DPP6: variants seen among roughly 807,000 people sequenced by gnomAD.
DPP6 encodes dipeptidyl peptidase like 6.
A neutral mutation model predicts 122.6 loss-of-function variants in DPP6; 69 were observed. The ratio of observed to expected loss-of-function variants is 0.56; its 90% CI spans 0.46 to 0.69. DPP6 has a LOEUF of 0.69. DPP6 is among the 30% of genes least tolerant of loss of function. The pLI is 0.00. For missense variants in DPP6, 928 were observed against 1,116.9 expected (o/e 0.83, Z 2.41); for synonymous variants, 418 against 433.1 (o/e 0.97, Z 0.43).
At chr7:154,620,442 G>A (rs191588072) in intron 5 of DPP6, among the ~76,000 whole-genome samples, 7 of 152,320 alleles carry the variant, frequency 4.6e-5, no homozygotes, top group African/African-American at 1.4e-4. Flanking sequence ...TTTCTCAAAT[G>A]TTTTTGGAAC....
At chr7:154,859,415 A>C (rs183515472) in intron 17 of DPP6, among the ~76,000 whole-genome samples, 52 of 152,324 alleles carry the variant, frequency 3.4e-4, no homozygotes, top group African/African-American at 1.1e-3. Context: ...TACAGGGCAG[A>C]GCCTCGGCAC....
rs2533612 is a variant in DPP6 at position 153,990,404 on chromosome 7, G to C, written c.51+102670G>C. On this transcript the variant is annotated intron_variant, in intron 1 of 25. Transcript: ENST00000404039. ...GCAGAGAGAACAATTTAAATGCTCA[G>C]AAAGACAACTCTTTCTTACTGTTTT... 2.4e-3 allele frequency among the ~76,000 whole-genome samples: 99 copies of C among 40,580 alleles called. 6 individuals carry two copies. Among genetic ancestry groups the C allele is most frequent in the Non-Finnish European group, 3.4e-3 (71 of 20,840 alleles). 26.6% of individuals were successfully genotyped at this position (40,580 alleles called of 152,430 possible).
chr7:153,950,295 T>C (rs557037414), intron 1 of DPP6, among the ~76,000 whole-genome samples: 6 of 152,142 alleles, frequency 3.9e-5, no homozygotes, highest in African/African-American at 7.2e-5. Context: ...GATGGCGGCA[T>C]GTAGAAAAAT....
chr7:154,684,713 T>C (rs1839495592), intron 7 of DPP6, among the ~76,000 whole-genome samples: 1 of 152,178 alleles, frequency 6.6e-6, no homozygotes, highest in Non-Finnish European at 1.5e-5. Context: ...ATAAAAAGGT[T>C]ATGATTGCAC....
intron 3 of DPP6, among the ~76,000 whole-genome samples, chr7:154,537,697 A>T (rs183957873): frequency 0.032 from 4,905 of 151,904 alleles, 267 homozygotes; most frequent in African/African-American, 0.11. Flanking sequence ...TCAAAAAAAT[A>T]AAAAAAGAAA....
the DPP6 span, among the ~76,000 whole-genome samples, chr7:153,792,839 C>A: frequency 0.33 from 50,067 of 150,240 alleles, 7,826 homozygotes; most frequent in South Asian, 0.44. Context: ...ATCATGGGGG[C>A]CAGTCTTTCC....
chr7:153,797,935 G>T, the DPP6 span, among the ~76,000 whole-genome samples: 10 of 152,050 alleles, frequency 6.6e-5, no homozygotes, highest in African/African-American at 2.2e-4. Context: ...TCCGCCTTCT[G>T]GGTTCACGCC....
At chr7:153,885,506 G>A (rs1798877817), upstream of DPP6, among the ~76,000 whole-genome samples, 1 of 152,074 alleles carries the variant, frequency 6.6e-6, no homozygotes, top group South Asian at 2.1e-4. Flanking sequence ...CACTGAGAAG[G>A]CGCCATCTGT....
At chr7:154,569,423 G>A (rs984935655) in intron 5 of DPP6, among the ~76,000 whole-genome samples, 1 of 151,928 alleles carries the variant, frequency 6.6e-6, no homozygotes, top group Non-Finnish European at 1.5e-5. Context: ...TAAGTTTCTT[G>A]AAGTTCCTGA....
chr7:153,767,234 T>C, the DPP6 span, among the ~76,000 whole-genome samples: 1 of 152,226 alleles, frequency 6.6e-6, no homozygotes, highest in Admixed American at 6.5e-5. Context: ...ACTTTCCTTC[T>C]ACCAGTTACA....
intron 1 of DPP6, among the ~76,000 whole-genome samples, chr7:154,075,230 A>G (rs1803472519): frequency 6.6e-6 from 1 of 151,938 alleles, no homozygotes; most frequent in African/African-American, 2.4e-5. Flanking sequence ...TATAACCACT[A>G]TGGAAAACAG....
intron 1 of DPP6, among the ~76,000 whole-genome samples, chr7:154,419,849 C>T (rs967576825): frequency 6.6e-5 from 10 of 152,052 alleles, no homozygotes; most frequent in African/African-American, 2.4e-4. Context: ...AGGGTGTTTC[C>T]AAAATAAGTG....
intron 1 of DPP6, among the ~76,000 whole-genome samples, chr7:154,257,317 C>T (rs1428288658): frequency 2.0e-5 from 3 of 152,040 alleles, no homozygotes; most frequent in Admixed American, 6.5e-5. Context: ...TCTCCAACCA[C>T]ACCCTCCCCA....
chr7:153,811,832 C>A, the DPP6 span, among the ~76,000 whole-genome samples: 1 of 152,192 alleles, frequency 6.6e-6, no homozygotes, highest in African/African-American at 2.4e-5. Context: ...AGATTCTTTA[C>A]ATGAATTCTC....
chr7:154,289,537 C>A (rs1805069202), intron 1 of DPP6, among the ~76,000 whole-genome samples: 1 of 152,128 alleles, frequency 6.6e-6, no homozygotes, highest in African/African-American at 2.4e-5. Flanking sequence ...ATGCTAAGCC[C>A]TAAATAAGGT....
chr7:154,365,316 A>C (rs1251016391), intron 1 of DPP6, among the ~76,000 whole-genome samples: 1 of 152,236 alleles, frequency 6.6e-6, no homozygotes, highest in African/African-American at 2.4e-5. Context: ...CACTAGAACC[A>C]ATTTTAATGA....
At chr7:153,962,196 G>A (rs1795388410) in intron 1 of DPP6, among the ~76,000 whole-genome samples, 1 of 151,958 alleles carries the variant, frequency 6.6e-6, no homozygotes, top group Admixed American at 6.6e-5. Context: ...GTAAAGCACT[G>A]GAAGGGAAGT....
intron 1 of DPP6, among the ~76,000 whole-genome samples, chr7:154,105,262 C>G (rs1395201590): frequency 6.6e-6 from 1 of 152,194 alleles, no homozygotes; most frequent in African/African-American, 2.4e-5. Context: ...ATGCTGTGTT[C>G]CTTCTTTGAT....
In DPP6 at chr7:154,292,064, C is replaced by T. The variant is rs1476522239; in HGVS notation, c.244-154150C>T. Among the ~76,000 whole-genome samples, 3 of 152,188 alleles carry T rather than the reference C, an allele frequency of 2.0e-5. No individual in the cohort carries two copies. In the East Asian group the frequency reaches 5.8e-4, roughly 29 times the overall value. ...GAACCTCTGAACTATGTTCCTGGAT[C>T]TCGTCAATTTAGTCCTTACTCTCTG... is the stretch of plus-strand genomic sequence containing the variant. On this transcript the variant is annotated intron_variant, in intron 1 of 25. Coordinates refer to ENST00000377770, the MANE Select transcript of DPP6 (RefSeq NM_130797.4).
Sources: allele counts gnomAD v4.1 joint callset (sites outside exome capture counted in the v4.1 genomes callset), GRCh38; gene constraint gnomAD v4.1.1; transcripts MANE v1.5; gene names NCBI Gene and HGNC (gene_info 2026-07-23, HGNC 2026-07-21).